The following ALX4 variants were observed in gnomAD, a reference collection of about 807,000 sequenced individuals.
The protein encoded by ALX4 is ALX homeobox 4.
In ALX4, 22 loss-of-function variants were observed where a neutral mutation model predicts 40.6. The observed-to-expected ratio is 0.54, with a 90% CI of 0.39 to 0.77. The LOEUF (loss-of-function observed/expected upper bound fraction) is 0.77, where lower values mean the gene tolerates loss of function less well. Ranked by LOEUF, ALX4 falls within the 30% of genes least tolerant of loss-of-function variation. The pLI is 0.00. For missense variants in ALX4, 556 were observed against 564.8 expected (o/e 0.98, Z 0.16); for synonymous variants, 266 against 240.5 (o/e 1.11, Z -0.98).
chr11:44,292,578 T>G (rs868465145), intron 1 of ALX4, among the ~76,000 whole-genome samples: 22 of 152,196 alleles, frequency 1.4e-4, no homozygotes, highest in Middle Eastern at 6.8e-3. Context: ...TGGGAAAGAT[T>G]CTTCAATATT....
chr11:44,283,187 C>T (rs951901868), intron 1 of ALX4, among the ~76,000 whole-genome samples: 6 of 148,132 alleles, frequency 4.1e-5, no homozygotes, highest in African/African-American at 1.5e-4. Context: ...GTGCAGATTA[C>T]ACTGAACTGA....
At chr11:44,297,086 TG>T (rs530295769) in intron 1 of ALX4, among the ~76,000 whole-genome samples, 2 of 129,746 alleles carry the variant, frequency 1.5e-5, no homozygotes, top group Non-Finnish European at 3.3e-5. Context: ...GTCACTTGGG[TG>T]GGGGGTCAAG....
chr11:44,290,555 G>T (rs542486013), intron 1 of ALX4, among the ~76,000 whole-genome samples: 1 of 152,338 alleles, frequency 6.6e-6, no homozygotes, highest in East Asian at 1.9e-4. Flanking sequence ...GCCTTGGGGC[G>T]ACTCCAGATC....
chr11:44,295,927 C>T (rs10838253), intron 1 of ALX4, among the ~76,000 whole-genome samples: 67,235 of 152,084 alleles, frequency 0.44, 15,391 homozygotes, highest in Admixed American at 0.51. Flanking sequence ...CTAGAGTCCT[C>T]GCCTTTGGCT....
chr11:44,299,453 C>T lies in ALX4; in HGVS notation c.466+10144G>A, dbSNP rs925141805. 4.0e-5 allele frequency among the ~76,000 whole-genome samples: 6 copies of T among 151,376 alleles called. No homozygotes were observed. In the Middle Eastern group the frequency reaches 0.01, roughly 257 times the overall value. ...TCGGCTCACTGCAAGCTCCGCCTCC[C>T]GGGTTCACACCATTCTCCTGCCTCA... is the stretch of plus-strand genomic sequence containing the variant. On this transcript the variant is annotated intron_variant, in intron 1 of 3. Transcript: ENST00000652299.
At chr11:44,304,371 C>T (rs2119903658) in intron 1 of ALX4, among the ~76,000 whole-genome samples, 1 of 152,318 alleles carries the variant, frequency 6.6e-6, no homozygotes, top group Non-Finnish European at 1.5e-5. Context: ...GGGCTAAGGA[C>T]GCTGAGGCTC....
At chr11:44,309,313 G>T (rs1019730231) in intron 1 of ALX4, among the ~76,000 whole-genome samples, 1 of 152,014 alleles carries the variant, frequency 6.6e-6, no homozygotes, top group African/African-American at 2.4e-5. Context: ...CGCCCAGCGG[G>T]CAGCGCAAAG....
intron 2 of ALX4, among the ~76,000 whole-genome samples, chr11:44,269,280 G>A (rs988192170): frequency 1.2e-4 from 19 of 152,246 alleles, no homozygotes; most frequent in African/African-American, 4.3e-4. Flanking sequence ...CATAGTCGCA[G>A]CAGGGGAGAT....
Position 44,309,646 on chromosome 11 carries a change from G to C in ALX4, c.417C>G (p.Leu139=), listed in dbSNP as rs746262802. 2 of 1,593,686 alleles carry C rather than the reference G, an allele frequency of 1.3e-6. No homozygotes were observed. The highest frequency in any genetic ancestry group is 1.7e-6 in the Non-Finnish European group (2 of 1,176,118). ...CKTPPDGSLK[L]QEGSSGHSAA... is the part of the protein sequence containing the mutation. ...CGCTGTGGCCGCTGCTGCCTTCCTG[G>C]AGTTTGAGGCTGCCGTCCGGGGGCG... The change falls in exon 1 of 4, where the codon CTC becomes CTG. Residue 139 remains leucine, a synonymous_variant. Transcript: ENST00000652299.
chr11:44,293,256 T>C (rs967823510), intron 1 of ALX4, among the ~76,000 whole-genome samples: 4 of 151,316 alleles, frequency 2.6e-5, no homozygotes, highest in South Asian at 4.2e-4. Context: ...CTGAACAAAA[T>C]AAAAAATTCA....
Position 44,297,698 on chromosome 11 carries a change from C to T in ALX4, c.466+11899G>A, listed in dbSNP as rs543622467. Among the ~76,000 whole-genome samples the T allele has an allele frequency of 2.0e-4, 30 of 150,644 alleles. No homozygotes were observed. In the East Asian group the frequency reaches 3.7e-3, roughly 19 times the overall value. On this transcript the variant is annotated intron_variant, in intron 1 of 3. Transcript: ENST00000652299. Reference sequence around the variant, plus strand: ...GCCACTGCACTCCAGCCTGGGTGACCGAGTGAGACCTTGTCTCAAAAAATA... The same window carrying T: ...GCCACTGCACTCCAGCCTGGGTGACTGAGTGAGACCTTGTCTCAAAAAATA...
rs1484181011 is a variant in ALX4, at chr11:44,267,475, A to G, written c.906+19T>C. 3.1e-6 allele frequency: 5 copies of G among 1,612,848 alleles called. No homozygotes were observed. Among genetic ancestry groups the G allele is most frequent in the Non-Finnish European group, 3.4e-6 (4 of 1,179,252 alleles). On this transcript the variant is annotated intron_variant, in intron 3 of 3. Transcript: ENST00000652299. ...CCAGGGGCTGGGGATCGGTGGCGGC[A>G]GCTCAGGGCGGGACTTACCTGGGCG...
At chr11:44,290,769 C>T (rs1237177062) in intron 1 of ALX4, among the ~76,000 whole-genome samples, 1 of 152,154 alleles carries the variant, frequency 6.6e-6, no homozygotes, top group African/African-American at 2.4e-5. Context: ...GTGACTTGAC[C>T]TTTGTGTGCT....
In ALX4 at chr11:44,281,575, G is replaced by A. The variant is rs147668675; in HGVS notation, c.467-5917C>T. 3.4e-3 allele frequency among the ~76,000 whole-genome samples: 514 copies of A among 152,122 alleles called. 8 individuals carry two copies. The highest frequency in any genetic ancestry group is 0.028 in the Admixed American group (434 of 15,282). ...GGCCCCACACACCCTGTGGCGGAGT[G>A]CACACACCGATGTAATCTCCTTAAA... is the stretch of plus-strand genomic sequence containing the variant. On this transcript the variant is annotated intron_variant, in intron 1 of 3. Coordinates refer to ENST00000652299, the MANE Select transcript of ALX4 (RefSeq NM_021926.4).
At chr11:44,284,573 A>G (rs550277539) in intron 1 of ALX4, among the ~76,000 whole-genome samples, 2 of 152,296 alleles carry the variant, frequency 1.3e-5, no homozygotes, top group East Asian at 3.9e-4. Flanking sequence ...CCTGTACATC[A>G]GGCTTATGTG....
At position 44,284,924 on chromosome 11, in the gene ALX4, C is replaced by T. The variant is rs113601128; in HGVS notation, c.467-9266G>A. On this transcript the variant is annotated intron_variant, in intron 1 of 3. Transcript: ENST00000652299. ...TCACTCACACACATACACATACACA[C>T]ACACACACAAACACACACAGAGAAA... 5.1e-3 allele frequency among the ~76,000 whole-genome samples: 774 copies of T among 152,166 alleles called. 3 individuals carry two copies. The highest frequency in any genetic ancestry group is 0.017 in the African/African-American group (725 of 41,510).
Position 44,299,868 on chromosome 11 carries a change from C to T in ALX4, c.466+9729G>A, listed in dbSNP as rs556786029. Among the ~76,000 whole-genome samples the T allele has an allele frequency of 4.6e-5, 7 of 152,244 alleles. 1 individual carries two copies. The highest frequency in any genetic ancestry group is 2.1e-4 in the South Asian group (1 of 4,820). ...TTCCATGAACCTCAGTTTTCATCCACGAAATGGGGATGATAATAGTACCAA... is the reference window on the plus strand; with the variant it reads ...TTCCATGAACCTCAGTTTTCATCCATGAAATGGGGATGATAATAGTACCAA... On this transcript the variant is annotated intron_variant, in intron 1 of 3. Coordinates refer to ENST00000652299, the MANE Select transcript of ALX4 (RefSeq NM_021926.4).
chr11:44,281,416 C>A (rs1364698253), intron 1 of ALX4, among the ~76,000 whole-genome samples: 1 of 151,830 alleles, frequency 6.6e-6, no homozygotes, highest in Non-Finnish European at 1.5e-5. Context: ...CTGTGTGGAG[C>A]CGTGCACAGG....
chr11:44,270,355 G>A (rs1409225308), intron 2 of ALX4, among the ~76,000 whole-genome samples: 6 of 152,050 alleles, frequency 3.9e-5, no homozygotes, highest in African/African-American at 1.4e-4. Flanking sequence ...AGGCGGGTGA[G>A]CGACCGGTGG....
Sources: gnomAD v4.1 joint callset for allele counts (sites outside exome capture counted in the v4.1 genomes callset) on GRCh38, gnomAD v4.1.1 for gene constraint, MANE v1.5 for transcripts, NCBI Gene and HGNC (gene_info 2026-07-23, HGNC 2026-07-21) for gene names.